Variants in AK1 observed in about 807,000 individuals in gnomAD.
The protein encoded by AK1 is adenylate kinase isoenzyme 1.
AK1 carries 13 observed loss-of-function variants against 23.9 expected under a neutral mutation model. The ratio of observed to expected loss-of-function variants is 0.54; its 90% confidence interval spans 0.35 to 0.86. The LOEUF is 0.86. Ranked by LOEUF, AK1 falls within the 40% of genes least tolerant of loss-of-function variation. The probability of loss-of-function intolerance (pLI) is 0.01; values close to 1 mark genes in which losing one functional copy is unlikely to be tolerated. For synonymous variants in AK1, 97 were observed against 102.8 expected (o/e 0.94, Z 0.34); for missense variants, 214 against 255.1 (o/e 0.84, Z 1.10).
chr9:127,874,385 G>A (rs1829489937), intron 2 of AK1: 19 of 985,214 alleles, frequency 1.9e-5, no homozygotes, highest in Non-Finnish European at 2.2e-5. Context: ...GTGCGCTGGG[G>A]CCCTCAGGAG....
At position 127,868,458 on chromosome 9, in the gene AK1, G is replaced by C. The variant is rs1461769427; in HGVS notation, c.379C>G (p.Gln127Glu). ...YVDAGPETMT[Q>E]RLLKRGETSG... The stretch of plus-strand genomic sequence containing the variant: ...GTCTCTCCACGTTTCAAGAGCCGCT[G>C]GGTCATGGTCTCAGGGCCTGCGTCC... The change falls in exon 6 of 7, where the codon CAG becomes GAG. Residue 127 changes from glutamine (Q) to glutamate (E), a missense_variant. Gln to Glu is a conservative substitution (Grantham distance 29). Transcript: ENST00000644144. The surrounding 1 kb of genome is among the most constrained non-coding windows in gnomAD (Gnocchi z 4.1). 9 of 1,608,308 alleles carry C rather than the reference G, an allele frequency of 5.6e-6. No individual in the cohort carries two copies. Among genetic ancestry groups the C allele is most frequent in the Non-Finnish European group, 7.6e-6 (9 of 1,177,414 alleles).
chr9:127,868,164 C>T lies in AK1; in HGVS notation c.517-88G>A. The T allele has an allele frequency of 6.6e-7, 1 of 1,521,460 alleles. No individual in the cohort carries two copies. The highest frequency in any genetic ancestry group is 9.1e-7 in the Non-Finnish European group (1 of 1,101,372). The allele number at this position is 1,521,460 out of a possible 1,614,324, so 94.2% of individuals were successfully genotyped here. Reference sequence around the variant, plus strand: ...CAGGCCCCAGAGACCAGGCCTGCCTCCCCGAGCCCAACCTAATTGACAGCA... The same window carrying T: ...CAGGCCCCAGAGACCAGGCCTGCCTTCCCGAGCCCAACCTAATTGACAGCA... On this transcript the variant is annotated intron_variant, in intron 6 of 6. Transcript: ENST00000644144. This position sits in a 1 kb window ranked among gnomAD's most constrained non-coding sequence, Gnocchi z 4.1.
rs1829257099 is a variant in AK1, at chr9:127,866,752, G to A, written c.*1256C>T. 1 of 152,270 alleles carries A rather than the reference G, an allele frequency of 6.6e-6. No homozygotes were observed. Among genetic ancestry groups the A allele is most frequent in the African/African-American group, 2.4e-5 (1 of 41,464 alleles). The allele number at this position is 152,270 out of a possible 1,614,324, so 9.4% of individuals were successfully genotyped here. A position where few individuals can be genotyped will look rare whatever the true frequency, so the allele number is the denominator to read the frequency against. On this transcript the variant is annotated 3_prime_UTR_variant, in exon 7 of 7. Transcript: ENST00000644144. ...AGGGTTCTCCCCAGGGGATTCTGGG[G>A]TGTCCCCAAGTCATCCGGGGCCCCG...
chr9:127,876,290 G>A (rs1252150267), intron 1 of AK1, among the ~76,000 whole-genome samples: 1 of 152,192 alleles, frequency 6.6e-6, no homozygotes, highest in African/African-American at 2.4e-5. Flanking sequence ...TCTGTGCTGC[G>A]GGCCTGGGAT....
At position 127,874,618 on chromosome 9, in the gene AK1, C is replaced by T; in HGVS notation, c.-1G>A. On this transcript the variant is annotated 5_prime_UTR_variant, in exon 2 of 7. Coordinates refer to ENST00000644144, the MANE Select transcript of AK1 (RefSeq NM_000476.3). ...AGGAGAGGAGGCTCATACCTTCCAT[C>T]CTGCCGAGGTCCCGGGAGCCGTGTC... 1 of 1,613,730 alleles carries T rather than the reference C, an allele frequency of 6.2e-7. No homozygotes were observed. Among genetic ancestry groups the T allele is most frequent in the South Asian group, 1.1e-5 (1 of 91,042 alleles).
At chr9:127,873,001 C>T (rs1439832334) in intron 3 of AK1, 25 bp downstream of exon 3, 7 of 1,613,962 alleles carry the variant, frequency 4.3e-6, no homozygotes, top group Non-Finnish European at 5.9e-6. Flanking sequence ...ACCCTTGCTG[C>T]ACCACCCGCC....
chr9:127,872,634 C>T (rs1829439780), intron 4 of AK1, 56 bp downstream of exon 4: 2 of 1,608,488 alleles, frequency 1.2e-6, no homozygotes, highest in Non-Finnish European at 1.7e-6. Flanking sequence ...GCTGGTGGGA[C>T]ACCCACTCAG....
In AK1 at chr9:127,871,787, A is replaced by G; in HGVS notation, c.324+36T>C. The G allele has an allele frequency of 6.3e-7, 1 of 1,580,268 alleles. No individual in the cohort carries two copies. Among genetic ancestry groups the G allele is most frequent in the Non-Finnish European group, 8.7e-7 (1 of 1,149,634 alleles). ...GGGGATGGGAGTCTTATCCTGCCCC[A>G]GCCCACCAGGATCCCCACTTGGGTC... On this transcript the variant is annotated intron_variant, in intron 5 of 6. Transcript: ENST00000644144. The surrounding 1 kb of genome is among the most constrained non-coding windows in gnomAD (Gnocchi z 4.4).
chr9:127,873,717 G>A (rs139356748), intron 2 of AK1: 249 of 985,426 alleles, frequency 2.5e-4, no homozygotes, highest in Non-Finnish European at 2.9e-4. Flanking sequence ...AACTGAGCTC[G>A]AGAGAGGGAA....
At position 127,871,955 on chromosome 9, in the gene AK1, G is replaced by T; in HGVS notation, c.208-16C>A. The T allele has an allele frequency of 6.2e-7, 1 of 1,605,372 alleles. No individual in the cohort carries two copies. The highest frequency in any genetic ancestry group is 8.5e-7 in the Non-Finnish European group (1 of 1,172,308). The stretch of plus-strand genomic sequence containing the variant: ...ACACTGTCTCCTGGGGCACAGCAAA[G>T]GAGGAAGGGGCCATGAGCCTCTCCT... On this transcript the variant is annotated splice_polypyrimidine_tract_variant and intron_variant, in intron 4 of 6. Transcript: ENST00000644144. The surrounding 1 kb of genome is among the most constrained non-coding windows in gnomAD (Gnocchi z 4.4).
At chr9:127,870,540 C>T (rs1223956558) in intron 5 of AK1, among the ~76,000 whole-genome samples, 3 of 152,120 alleles carry the variant, frequency 2.0e-5, no homozygotes. Flanking sequence ...CCCTGAGGGT[C>T]ACAGGTGGTA....
rs1055037481 is a variant in AK1 at position 127,868,168 on chromosome 9, G to A, written c.517-92C>T. On this transcript the variant is annotated intron_variant, in intron 6 of 6. Coordinates refer to ENST00000644144, the MANE Select transcript of AK1 (RefSeq NM_000476.3). The surrounding 1 kb of genome is among the most constrained non-coding windows in gnomAD (Gnocchi z 4.1). The stretch of plus-strand genomic sequence containing the variant: ...CCCCAGAGACCAGGCCTGCCTCCCC[G>A]AGCCCAACCTAATTGACAGCAGCCC... 1.1e-5 allele frequency: 16 copies of A among 1,509,316 alleles called. No homozygotes were observed. In the African/African-American group the frequency reaches 1.2e-4, roughly 12 times the overall value. 93.5% of individuals were successfully genotyped at this position (1,509,316 alleles called of 1,614,324 possible). A position where few individuals can be genotyped will look rare whatever the true frequency, so the allele number is the denominator to read the frequency against.
At chr9:127,873,358 C>A in intron 2 of AK1, 1 of 1,562,736 alleles carries the variant, frequency 6.4e-7, no homozygotes, top group Non-Finnish European at 8.6e-7. Flanking sequence ...CCTCATGGCG[C>A]CTCCCTGTGG....
upstream of AK1, among the ~76,000 whole-genome samples, chr9:127,878,080 G>A (rs530601015): frequency 8.4e-4 from 128 of 152,330 alleles, no homozygotes; most frequent in South Asian, 1.0e-3. Flanking sequence ...AGACCAGGGA[G>A]CGAGAGGGCT....
Position 127,868,140 on chromosome 9 carries a change from A to C in AK1, c.517-64T>G. 8.9e-6 allele frequency: 14 copies of C among 1,577,288 alleles called. No individual in the cohort carries two copies. The South Asian group carries it at 1.0e-4, about 11-fold the overall frequency. ...GGAGTGGGGTGGGCCTCACCATGGC[A>C]GGCCCCAGAGACCAGGCCTGCCTCC... is the stretch of plus-strand genomic sequence containing the variant. On this transcript the variant is annotated intron_variant, in intron 6 of 6. Transcript: ENST00000644144. This position sits in a 1 kb window ranked among gnomAD's most constrained non-coding sequence, Gnocchi z 4.1.
rs1372008662 is a variant in AK1 at position 127,871,507 on chromosome 9, G to C, written c.324+316C>G. Among the ~76,000 whole-genome samples, 1 of 151,536 alleles carries C rather than the reference G, an allele frequency of 6.6e-6. No homozygotes were observed. The highest frequency in any genetic ancestry group is 1.9e-4 in the East Asian group (1 of 5,202). ...CTGTCCCTTAAGGCAGCTGTGACCT[G>C]GTCCTCCCACTCCCTGCATTTTGCA... On this transcript the variant is annotated intron_variant, in intron 5 of 6. Coordinates refer to ENST00000644144, the MANE Select transcript of AK1 (RefSeq NM_000476.3). This position sits in a 1 kb window ranked among gnomAD's most constrained non-coding sequence, Gnocchi z 4.4.
chr9:127,874,906 A>C, intron 1 of AK1: 1 of 499,726 alleles, frequency 2.0e-6, no homozygotes, highest in African/African-American at 1.9e-5. Context: ...GCCCCCTCCC[A>C]TCCACCTGGG....
chr9:127,868,479 C>T lies in AK1; in HGVS notation c.358G>A (p.Ala120Thr), dbSNP rs1326118480. The T allele has an allele frequency of 3.1e-6, 5 of 1,599,570 alleles. No homozygotes were observed. Among genetic ancestry groups the T allele is most frequent in the Admixed American group, 3.5e-5 (2 of 57,936 alleles). The stretch of plus-strand genomic sequence containing the variant: ...CGCTGGGTCATGGTCTCAGGGCCTG[C>T]GTCCACATACAGCAGCAGTGTGGGC... ...GQPTLLLYVD[A>T]GPETMTQRLL... Residue 120 changes from alanine (A) to threonine (T), a missense_variant, in exon 6 of 7, where the codon GCA (alanine) becomes ACA (threonine). Ala to Thr is a moderately conservative substitution (Grantham distance 58). Coordinates refer to ENST00000644144, the MANE Select transcript of AK1 (RefSeq NM_000476.3). This position sits in a 1 kb window ranked among gnomAD's most constrained non-coding sequence, Gnocchi z 4.1.
In AK1 at chr9:127,867,530, T is replaced by C. The variant is rs1265851915; in HGVS notation, c.*478A>G. The C allele has an allele frequency of 4.9e-6, 1 of 202,298 alleles. No homozygotes were observed. Among genetic ancestry groups the C allele is most frequent in the East Asian group, 1.2e-4 (1 of 8,020 alleles). 12.5% of individuals were successfully genotyped at this position (202,298 alleles called of 1,614,324 possible). ...CGGCAAGGGCCAGGCATGGAACATA[T>C]GCTCAGAGCGATGGGGGTCAGGGCC... On this transcript the variant is annotated 3_prime_UTR_variant, in exon 7 of 7. Transcript: ENST00000644144.
Sources: gnomAD v4.1 joint callset for allele counts (sites outside exome capture counted in the v4.1 genomes callset) on GRCh38, gnomAD v4.1.1 for gene constraint, Gnocchi (gnomAD v3.1) non-coding constraint, MANE v1.5 for transcripts, NCBI Gene and HGNC (gene_info 2026-07-23, HGNC 2026-07-21) for gene names.